Variants in CSMD1 observed in about 807,000 individuals in gnomAD.
CSMD1 encodes the protein CUB and Sushi multiple domains 1, also known as CUB and sushi domain-containing protein 1.
Under a neutral mutation model 417.5 loss-of-function variants are expected in CSMD1, and 213 were observed. The ratio of observed to expected loss-of-function variants is 0.51; its 90% CI spans 0.46 to 0.57. The LOEUF (loss-of-function observed/expected upper bound fraction) is 0.57. Ranked by LOEUF, CSMD1 falls within the 20% of genes least tolerant of loss-of-function variation. The probability of loss-of-function intolerance (pLI) is 0.00; values close to 1 mark genes in which losing one functional copy is unlikely to be tolerated. For synonymous variants in CSMD1, 2,862 were observed against 1,736.8 expected (o/e 1.65, Z -16.11); for missense variants, 6,923 against 4,529.7 (o/e 1.53, Z -15.17).
At chr8:4,109,876 CT>C (rs1340544468) in intron 3 of CSMD1, among the ~76,000 whole-genome samples, 1 of 152,036 alleles carries the variant, frequency 6.6e-6, no homozygotes, top group Non-Finnish European at 1.5e-5. Context: ...AGTCATTGTG[CT>C]TTTTCTCATA....
chr8:4,042,973 A>G (rs568002691), intron 3 of CSMD1, among the ~76,000 whole-genome samples: 134 of 138,202 alleles, frequency 9.7e-4, no homozygotes, highest in African/African-American at 3.8e-3. Flanking sequence ...TAAATATGGG[A>G]AAAAAAAAAT....
intron 5 of CSMD1, among the ~76,000 whole-genome samples, chr8:3,766,556 T>C (rs1173607746): frequency 6.6e-6 from 1 of 152,060 alleles, no homozygotes; most frequent in African/African-American, 2.4e-5. Context: ...GCACTGGCAA[T>C]GGATATCCAT....
In CSMD1 at chr8:4,864,454, T is replaced by A. The variant is rs1320539108; in HGVS notation, c.85+129878A>T. On this transcript the variant is annotated intron_variant, in intron 1 of 69. Transcript: ENST00000635120. ...ACAAATTTGCCTTTAATTATCTACT[T>A]CAATAGACAAAAATCATTGCTCAGA... Among the ~76,000 whole-genome samples, 8 of 151,936 alleles carry A rather than the reference T, an allele frequency of 5.3e-5. 1 individual carries two copies. Among genetic ancestry groups the A allele is most frequent in the African/African-American group, 1.9e-4 (8 of 41,368 alleles).
At chr8:3,181,021 A>C (rs928973997) in intron 37 of CSMD1, 89 bp downstream of exon 37, 5 of 775,598 alleles carry the variant, frequency 6.4e-6, no homozygotes, top group Non-Finnish European at 8.5e-6. Flanking sequence ...ATAATATTTC[A>C]CTGTTTAATA....
intron 1 of CSMD1, among the ~76,000 whole-genome samples, chr8:4,794,989 T>A (rs1379150777): frequency 2.1e-5 from 3 of 144,506 alleles, no homozygotes; most frequent in Non-Finnish European, 4.5e-5. Context: ...GAAAGAATGG[T>A]GCCTTAGGAA....
At chr8:4,119,629 C>A (rs564352873) in intron 3 of CSMD1, among the ~76,000 whole-genome samples, 1 of 152,088 alleles carries the variant, frequency 6.6e-6, no homozygotes, top group Non-Finnish European at 1.5e-5. Context: ...TCTGTCTGTG[C>A]TCTGTGAGGA....
intron 2 of CSMD1, among the ~76,000 whole-genome samples, chr8:4,439,632 C>T (rs185657213): frequency 6.6e-6 from 1 of 152,106 alleles, no homozygotes; most frequent in African/African-American, 2.4e-5. Context: ...TAAAACAGCA[C>T]CATAAGGCAA....
intron 3 of CSMD1, among the ~76,000 whole-genome samples, chr8:4,241,848 A>T (rs1439382019): frequency 6.6e-6 from 1 of 152,040 alleles, no homozygotes; most frequent in Non-Finnish European, 1.5e-5. Context: ...GTATGGGGTG[A>T]TTTTTAAGTG....
At chr8:4,513,163 T>C (rs1802917345) in intron 2 of CSMD1, among the ~76,000 whole-genome samples, 1 of 152,150 alleles carries the variant, frequency 6.6e-6, no homozygotes, top group Admixed American at 6.5e-5. Flanking sequence ...TTAATCGAAA[T>C]ATGTCAAAGT....
rs190853961 is a variant in CSMD1, at chr8:3,154,068, G to C, written c.5915-2555C>G. 2.8e-4 allele frequency among the ~76,000 whole-genome samples: 43 copies of C among 152,282 alleles called. No individual in the cohort carries two copies. The South Asian group carries it at 8.3e-3, about 29-fold the overall frequency. On this transcript the variant is annotated intron_variant, in intron 39 of 69. Coordinates refer to ENST00000635120, the MANE Select transcript of CSMD1 (RefSeq NM_033225.6). The stretch of plus-strand genomic sequence containing the variant: ...TGCAACCTCCGCCTCCCTGGTTCAA[G>C]TGATTCTCCTGCCTCAGCCTCCCGA...
intron 3 of CSMD1, among the ~76,000 whole-genome samples, chr8:4,339,870 A>C (rs1282216763): frequency 6.6e-6 from 1 of 152,050 alleles, no homozygotes; most frequent in Non-Finnish European, 1.5e-5. Context: ...CAAAAACTTA[A>C]AAAAATTATT....
chr8:4,858,645 C>G (rs1412181413), intron 1 of CSMD1, among the ~76,000 whole-genome samples: 5 of 151,694 alleles, frequency 3.3e-5, no homozygotes, highest in Admixed American at 6.6e-5. Context: ...AGCCAAATCA[C>G]GAGTGAACTC....
chr8:4,268,183 A>G (rs1414763540), intron 3 of CSMD1, among the ~76,000 whole-genome samples: 2 of 152,292 alleles, frequency 1.3e-5, no homozygotes, highest in East Asian at 3.9e-4. Context: ...TGGACTCTGT[A>G]TCAACTCACC....
At chr8:3,940,544 T>A (rs974731591) in intron 5 of CSMD1, among the ~76,000 whole-genome samples, 11 of 151,276 alleles carry the variant, frequency 7.3e-5, no homozygotes, top group Non-Finnish European at 7.4e-5. Context: ...TGTATGTATG[T>A]GTACATAGGT....
intron 1 of CSMD1, among the ~76,000 whole-genome samples, chr8:4,790,695 G>A (rs1797640858): frequency 6.6e-6 from 1 of 152,072 alleles, no homozygotes; most frequent in Admixed American, 6.6e-5. Context: ...ATAACCATCT[G>A]ATATTTTACA....
chr8:3,979,383 G>C (rs534580451), intron 5 of CSMD1, among the ~76,000 whole-genome samples: 12 of 152,318 alleles, frequency 7.9e-5, no homozygotes, highest in African/African-American at 2.6e-4. Flanking sequence ...AGCTGGAGGA[G>C]ACATCAGCGC....
rs560984349 is a variant in CSMD1, at chr8:3,448,441, G to A, written c.1561+20271C>T. ...AAGGGAAGGAAGAAGGAGCAATGAAGATGACTGTGGAGGAGCAAAGAAGAG... is the reference window on the plus strand; with the variant it reads ...AAGGGAAGGAAGAAGGAGCAATGAAAATGACTGTGGAGGAGCAAAGAAGAG... On this transcript the variant is annotated intron_variant, in intron 12 of 69. Coordinates refer to ENST00000635120, the MANE Select transcript of CSMD1 (RefSeq NM_033225.6). Among the ~76,000 whole-genome samples, 89 of 49,354 alleles carry A rather than the reference G, an allele frequency of 1.8e-3. 1 individual carries two copies. Among genetic ancestry groups the A allele is most frequent in the African/African-American group, 8.3e-3 (89 of 10,750 alleles). 32.4% of individuals were successfully genotyped at this position (49,354 alleles called of 152,430 possible). A position where few individuals can be genotyped will look rare whatever the true frequency, so the allele number is the denominator to read the frequency against.
At chr8:4,298,224 T>A (rs1045776076) in intron 3 of CSMD1, among the ~76,000 whole-genome samples, 3 of 152,170 alleles carry the variant, frequency 2.0e-5, no homozygotes, top group Non-Finnish European at 2.9e-5. Flanking sequence ...TGCCAATCTT[T>A]GCTTCCTGTT....
At chr8:3,439,989 T>G (rs1480382047) in intron 12 of CSMD1, among the ~76,000 whole-genome samples, 1 of 152,296 alleles carries the variant, frequency 6.6e-6, no homozygotes, top group African/African-American at 2.4e-5. Flanking sequence ...TTCCTGGGCT[T>G]TCTATTCCAT....
Sources: allele counts gnomAD v4.1 joint callset (sites outside exome capture counted in the v4.1 genomes callset), GRCh38; gene constraint gnomAD v4.1.1; transcripts MANE v1.5; gene names NCBI Gene and HGNC (gene_info 2026-07-23, HGNC 2026-07-21).